Variants in GSG1L observed in about 807,000 individuals in gnomAD.
GSG1L encodes germ cell-specific gene 1-like protein.
GSG1L carries 24 observed loss-of-function variants against 42.1 expected under a neutral mutation model. The ratio of observed to expected loss-of-function variants is 0.57; its 90% CI spans 0.41 to 0.80. GSG1L has a LOEUF of 0.80. GSG1L is among the 30% of genes least tolerant of loss of function. GSG1L has a pLI of 0.00. For missense variants in GSG1L, 445 were observed against 472.2 expected, an observed-to-expected ratio of 0.94 and a Z score of 0.53; for synonymous variants, 215 against 203.5, an observed-to-expected ratio of 1.06 and a Z score of -0.48.
At chr16:27,896,560 A>T (rs1184016193) in intron 2 of GSG1L, among the ~76,000 whole-genome samples, 1 of 152,206 alleles carries the variant, frequency 6.6e-6, no homozygotes, top group African/African-American at 2.4e-5. Context: ...ATTGGAACTT[A>T]AAATTAAATT....
At chr16:27,947,599 A>AAGAG (rs1401836017) in intron 2 of GSG1L, among the ~76,000 whole-genome samples, 7,148 of 86,022 alleles carry the variant, frequency 0.083, 369 homozygotes, top group East Asian at 0.13. Context: ...GAAAGAAAGA[A>AAGAG]AAAGAAAGAA....
At chr16:27,822,505 C>A (rs1177351894) in intron 5 of GSG1L, among the ~76,000 whole-genome samples, 1 of 152,146 alleles carries the variant, frequency 6.6e-6, no homozygotes, top group African/African-American at 2.4e-5. Context: ...AAGCCTTGAT[C>A]CCCCGGACTC....
chr16:28,020,237 G>A (rs997486507), intron 1 of GSG1L, among the ~76,000 whole-genome samples: 1 of 152,138 alleles, frequency 6.6e-6, no homozygotes, highest in Non-Finnish European at 1.5e-5. Flanking sequence ...GGCTATGCAG[G>A]GTGCCGTCTT....
intron 4 of GSG1L, among the ~76,000 whole-genome samples, chr16:27,832,051 C>T (rs2083280142): frequency 6.6e-6 from 1 of 152,210 alleles, no homozygotes; most frequent in Non-Finnish European, 1.5e-5. Flanking sequence ...AGCCCCCTCT[C>T]CATCATTCTG....
intron 4 of GSG1L, among the ~76,000 whole-genome samples, chr16:27,832,902 C>G (rs950821818): frequency 2.6e-5 from 4 of 152,164 alleles, no homozygotes; most frequent in Non-Finnish European, 4.4e-5. Context: ...AATATATTCT[C>G]TCAGTCTATA....
chr16:27,948,073 G>A (rs1380987880), intron 2 of GSG1L, among the ~76,000 whole-genome samples: 1 of 152,114 alleles, frequency 6.6e-6, no homozygotes, highest in Admixed American at 6.5e-5. Context: ...TCCTTTCACT[G>A]GATTTCACTC....
At chr16:27,840,458 C>T (rs1029507788) in intron 4 of GSG1L, among the ~76,000 whole-genome samples, 4 of 152,146 alleles carry the variant, frequency 2.6e-5, no homozygotes, top group African/African-American at 9.7e-5. Context: ...GGGCGCCCAT[C>T]AGGGTCCTGA....
chr16:27,954,157 C>T (rs1414569846), intron 2 of GSG1L, among the ~76,000 whole-genome samples: 1 of 152,038 alleles, frequency 6.6e-6, no homozygotes, highest in Non-Finnish European at 1.5e-5. Flanking sequence ...CAAAGTCAAA[C>T]CTGGGATTGA....
rs1289748264 is a variant in GSG1L at position 27,884,241 on chromosome 16, C to T, written c.550+245G>A. ...CTCTCCCTCCCACATGTGTTATGCT[C>T]CTTGAGGTCTGGGACTGCCTGCTTT... is the stretch of plus-strand genomic sequence containing the variant. On this transcript the variant is annotated intron_variant, in intron 3 of 6. Transcript: ENST00000447459. This position sits in a 1 kb window ranked among gnomAD's most constrained non-coding sequence, Gnocchi z 4.4. 2.0e-5 allele frequency among the ~76,000 whole-genome samples: 3 copies of T among 152,222 alleles called. No homozygotes were observed. Among genetic ancestry groups the T allele is most frequent in the East Asian group, 3.8e-4 (2 of 5,200 alleles).
chr16:27,916,389 C>G (rs2084455108), intron 2 of GSG1L, among the ~76,000 whole-genome samples: 1 of 151,950 alleles, frequency 6.6e-6, no homozygotes. Context: ...AATCACAGCT[C>G]AGTGCAGACT....
intron 1 of GSG1L, among the ~76,000 whole-genome samples, chr16:28,057,671 G>C (rs191134414): frequency 2.7e-4 from 41 of 152,346 alleles, no homozygotes; most frequent in African/African-American, 9.6e-4. Context: ...GGGTCAGATG[G>C]CAGCAAGTCC....
At chr16:28,010,054 G>C (rs943317340) in intron 1 of GSG1L, among the ~76,000 whole-genome samples, 1 of 152,176 alleles carries the variant, frequency 6.6e-6, no homozygotes, top group South Asian at 2.1e-4. Context: ...CAACAGGAAA[G>C]GCTTCAGGGG....
At chr16:28,035,153 C>T (rs765735472) in intron 1 of GSG1L, among the ~76,000 whole-genome samples, 4 of 151,876 alleles carry the variant, frequency 2.6e-5, no homozygotes, top group East Asian at 1.9e-4. Context: ...ACTATGGCCA[C>T]GCACCAGCAA....
chr16:28,007,794 G>T (rs1466339882), intron 1 of GSG1L, among the ~76,000 whole-genome samples: 1 of 152,108 alleles, frequency 6.6e-6, no homozygotes, highest in African/African-American at 2.4e-5. Flanking sequence ...GGGATGACAG[G>T]CTTGAGCCAC....
chr16:27,969,987 T>G (rs748072806), intron 1 of GSG1L, among the ~76,000 whole-genome samples: 7 of 152,232 alleles, frequency 4.6e-5, no homozygotes, highest in Non-Finnish European at 1.0e-4. Flanking sequence ...CATGGGCTTA[T>G]TGCCCATTTC....
In GSG1L at chr16:28,030,649, A is replaced by G. The variant is rs976416065; in HGVS notation, c.349+32427T>C. Among the ~76,000 whole-genome samples, 16 of 152,330 alleles carry G rather than the reference A, an allele frequency of 1.1e-4. No individual in the cohort carries two copies. In the East Asian group the frequency reaches 2.3e-3, roughly 22 times the overall value. Reference sequence around the variant, plus strand: ...GTGCTGGTTTGAGCTGGATTTTGTCACTTGCAGCCAAATAAATTTCCCAAT... The same window carrying G: ...GTGCTGGTTTGAGCTGGATTTTGTCGCTTGCAGCCAAATAAATTTCCCAAT... On this transcript the variant is annotated intron_variant, in intron 1 of 6. Coordinates refer to ENST00000447459, the MANE Select transcript of GSG1L (RefSeq NM_001109763.2).
At chr16:27,935,920 G>A (rs1027284047) in intron 2 of GSG1L, among the ~76,000 whole-genome samples, 1 of 148,614 alleles carries the variant, frequency 6.7e-6, no homozygotes, top group Non-Finnish European at 1.5e-5. Flanking sequence ...AGATGATGCT[G>A]CCTGGTGAAC....
intron 1 of GSG1L, among the ~76,000 whole-genome samples, chr16:27,970,886 T>A (rs2085186740): frequency 6.6e-6 from 1 of 152,216 alleles, no homozygotes; most frequent in South Asian, 2.1e-4. Context: ...TATCCGGTTG[T>A]CTCAGAAGCA....
chr16:28,056,080 C>T (rs2086276039), intron 1 of GSG1L, among the ~76,000 whole-genome samples: 1 of 152,144 alleles, frequency 6.6e-6, no homozygotes. Flanking sequence ...CACAGAAGCC[C>T]TGAGAAGTCC....
Sources: allele counts gnomAD v4.1 joint callset (sites outside exome capture counted in the v4.1 genomes callset), GRCh38; gene constraint gnomAD v4.1.1; non-coding constraint Gnocchi (gnomAD v3.1); transcripts MANE v1.5; gene names NCBI Gene and HGNC (gene_info 2026-07-23, HGNC 2026-07-21).